THADA: variants seen among roughly 807,000 people sequenced by gnomAD.
THADA encodes the protein tRNA (32-2'-O)-methyltransferase regulator THADA.
Under a neutral mutation model 219.8 loss-of-function variants are expected in THADA, and 213 were observed. The observed-to-expected ratio is 0.97, with a 90% CI of 0.87 to 1.09. The LOEUF is 1.09. THADA is among the 50% of genes least tolerant of loss of function. The pLI is 0.00. For missense variants in THADA, 2,956 were observed against 2,311.3 expected (o/e 1.28, Z -5.72); for synonymous variants, 1,018 against 828.9 (o/e 1.23, Z -3.92).
At chr2:43,570,362 C>T (rs761877283) in intron 14 of THADA, 26 bp downstream of exon 14, 27 of 1,569,868 alleles carry the variant, frequency 1.7e-5, no homozygotes, top group Non-Finnish European at 2.2e-5. Context: ...AAAAAAAACT[C>T]TCATGTTTAG....
intron 31 of THADA, among the ~76,000 whole-genome samples, chr2:43,294,686 T>G (rs1000302527): frequency 2.0e-5 from 3 of 152,078 alleles, no homozygotes; most frequent in Admixed American, 6.6e-5. Flanking sequence ...GGAGGCAATA[T>G]TAGAGGCAGG....
intron 30 of THADA, among the ~76,000 whole-genome samples, chr2:43,334,800 C>T (rs1190703247): frequency 6.6e-6 from 1 of 151,906 alleles, no homozygotes; most frequent in African/African-American, 2.4e-5. Context: ...ACAAAAAAAA[C>T]ACTGGTCCCA....
At position 43,551,244 on chromosome 2, in the gene THADA, A is replaced by G. The variant is rs536894139; in HGVS notation, c.2947+545T>C. Among the ~76,000 whole-genome samples, 17 of 152,326 alleles carry G rather than the reference A, an allele frequency of 1.1e-4. No individual in the cohort carries two copies. In the South Asian group the frequency reaches 3.5e-3, roughly 32 times the overall value. On this transcript the variant is annotated intron_variant, in intron 19 of 37. Transcript: ENST00000405975. ...CTTTATTTCAACACCAAACATAAAT[A>G]TATTTCATGATTTTTCTGTGTATTA...
At chr2:43,232,085 C>G (rs1216069778) in intron 37 of THADA, among the ~76,000 whole-genome samples, 9 of 152,208 alleles carry the variant, frequency 5.9e-5, no homozygotes, top group South Asian at 4.1e-4. Context: ...TCAGACCTAA[C>G]TTTGGGAAGC....
intron 26 of THADA, among the ~76,000 whole-genome samples, chr2:43,432,434 C>T (rs1476089258): frequency 6.6e-6 from 1 of 150,392 alleles, no homozygotes; most frequent in Non-Finnish European, 1.5e-5. Flanking sequence ...TATTAATTCT[C>T]CTCTTGACAG....
chr2:43,371,551 G>C (rs1018847823), intron 29 of THADA, among the ~76,000 whole-genome samples: 1 of 152,102 alleles, frequency 6.6e-6, no homozygotes, highest in African/African-American at 2.4e-5. Context: ...CAGTAAGAAA[G>C]TGCTCTTATA....
intron 31 of THADA, among the ~76,000 whole-genome samples, chr2:43,315,858 T>C (rs374579435): frequency 2.6e-5 from 4 of 152,208 alleles, no homozygotes; most frequent in African/African-American, 9.6e-5. Context: ...AAATGTCACA[T>C]TGTCTTAAAA....
At chr2:43,584,979 C>T (rs1700854642) in intron 7 of THADA, among the ~76,000 whole-genome samples, 1 of 152,146 alleles carries the variant, frequency 6.6e-6, no homozygotes, top group Non-Finnish European at 1.5e-5. Context: ...ATACTGAGAC[C>T]TCAGCCTTCT....
chr2:43,516,973 A>G (rs575280355), intron 22 of THADA, among the ~76,000 whole-genome samples: 1 of 152,288 alleles, frequency 6.6e-6, no homozygotes, highest in African/African-American at 2.4e-5. Flanking sequence ...AATTTTTAAG[A>G]TATTAACTTC....
At chr2:43,296,792 C>T (rs1218709237) in intron 31 of THADA, among the ~76,000 whole-genome samples, 1 of 152,204 alleles carries the variant, frequency 6.6e-6, no homozygotes, top group Non-Finnish European at 1.5e-5. Context: ...ATTTATTTGG[C>T]ACAGTCAGAA....
At chr2:43,405,540 C>G (rs769610755) in intron 28 of THADA, among the ~76,000 whole-genome samples, 3 of 152,180 alleles carry the variant, frequency 2.0e-5, no homozygotes, top group African/African-American at 7.2e-5. Flanking sequence ...CACCACCACC[C>G]GAACTAGTTG....
chr2:43,303,313 T>C (rs1289932646), intron 31 of THADA, among the ~76,000 whole-genome samples: 1 of 152,192 alleles, frequency 6.6e-6, no homozygotes, highest in Non-Finnish European at 1.5e-5. Context: ...GAACAGTCAT[T>C]GTGAAAGTTA....
intron 7 of THADA, among the ~76,000 whole-genome samples, chr2:43,583,592 C>G (rs1044366042): frequency 1.3e-5 from 2 of 152,138 alleles, no homozygotes; most frequent in African/African-American, 4.8e-5. Flanking sequence ...AGCAGAGACT[C>G]AAAGATATAC....
At chr2:43,237,588 A>G (rs1668176359) in intron 36 of THADA, among the ~76,000 whole-genome samples, 1 of 151,468 alleles carries the variant, frequency 6.6e-6, no homozygotes, top group African/African-American at 2.4e-5. Context: ...TTTAGTAGAG[A>G]CGGGGTTTCA....
At chr2:43,573,810 G>A (rs1372661067) in intron 11 of THADA, among the ~76,000 whole-genome samples, 1 of 152,126 alleles carries the variant, frequency 6.6e-6, no homozygotes, top group African/African-American at 2.4e-5. Flanking sequence ...ATGCTTGAAT[G>A]CAGTGATTCC....
Position 43,292,095 on chromosome 2 carries a change from G to T in THADA, c.4937+9C>A. On this transcript the variant is annotated intron_variant, in intron 33 of 37. Coordinates refer to ENST00000405975, the MANE Select transcript of THADA (RefSeq NM_022065.5). ...TACCAAGGTTGCACAGGAGGTTTTGGGGGCAAACCTTTCATTGGAAGCAAT... is the reference window on the plus strand; with the variant it reads ...TACCAAGGTTGCACAGGAGGTTTTGTGGGCAAACCTTTCATTGGAAGCAAT... 6.3e-7 allele frequency: 1 copy of T among 1,578,080 alleles called. No homozygotes were observed. Among genetic ancestry groups the T allele is most frequent in the South Asian group, 1.2e-5 (1 of 85,980 alleles).
At chr2:43,367,366 C>G (rs938541310) in intron 29 of THADA, among the ~76,000 whole-genome samples, 14 of 152,156 alleles carry the variant, frequency 9.2e-5, no homozygotes, top group Non-Finnish European at 1.9e-4. Context: ...TTAAAAAATT[C>G]CCTACACTCA....
At chr2:43,440,666 G>T (rs971898149) in intron 26 of THADA, among the ~76,000 whole-genome samples, 1 of 152,150 alleles carries the variant, frequency 6.6e-6, no homozygotes, top group Non-Finnish European at 1.5e-5. Context: ...CAAACAGAAA[G>T]GCAATGGATA....
At chr2:43,324,692 A>C (rs1270036232) in intron 30 of THADA, among the ~76,000 whole-genome samples, 1 of 152,114 alleles carries the variant, frequency 6.6e-6, no homozygotes, top group Non-Finnish European at 1.5e-5. Flanking sequence ...GTGCACTGTA[A>C]GTTCAGGGTG....
Sources: gnomAD v4.1 joint callset for allele counts (sites outside exome capture counted in the v4.1 genomes callset) on GRCh38, gnomAD v4.1.1 for gene constraint, MANE v1.5 for transcripts, NCBI Gene and HGNC (gene_info 2026-07-23, HGNC 2026-07-21) for gene names.